The following GTSF1L variants were observed in gnomAD, a reference collection of about 807,000 sequenced individuals.
GTSF1L encodes the protein gametocyte specific factor 1 like.
GTSF1L carries 1 observed loss-of-function variant against 1.1 expected under a neutral mutation model. That is an observed-to-expected ratio of 0.90 (90% CI 0.32 to 4.28). The LOEUF is 4.28. Ranked by LOEUF, GTSF1L falls within the 30% of genes most tolerant of loss-of-function variation. GTSF1L has a pLI of 0.17. For synonymous variants in GTSF1L, 62 were observed against 69.3 expected, an observed-to-expected ratio of 0.89 and a Z score of 0.53; for missense variants, 169 against 181.9, an observed-to-expected ratio of 0.93 and a Z score of 0.41.
In GTSF1L at chr20:43,726,415, C is replaced by T; in HGVS notation, c.280G>A (p.Val94Ile). ...SSEQNDDTQQ[V>I]SPCLPSPDIW... The stretch of plus-strand genomic sequence containing the variant: ...TCGGGGCTGGGAAGGCAGGGTGAGA[C>T]CTGCTGGGTGTCATCGTTCTGCTCT... Residue 94 changes from valine to isoleucine, a missense_variant, in exon 1 of 1, where the codon GTC becomes ATC. Val to Ile is a conservative substitution (Grantham distance 29). Coordinates refer to ENST00000373003, the MANE Select transcript of GTSF1L (RefSeq NM_176791.4). 6.2e-7 allele frequency: 1 copy of T among 1,613,970 alleles called. No homozygotes were observed. The highest frequency in any genetic ancestry group is 8.5e-7 in the Non-Finnish European group (1 of 1,180,016).
At position 43,726,585 on chromosome 20, in the gene GTSF1L, G is replaced by A. The variant is rs2068184133; in HGVS notation, c.110C>T (p.Ala37Val). The change falls in exon 1 of 1, where the codon GCC (alanine) becomes GTC (valine). Residue 37 changes from alanine (A) to valine (V), a missense_variant. By Grantham distance (64) the Ala-to-Val change is moderately conservative (BLOSUM62 0). Coordinates refer to ENST00000373003, the MANE Select transcript of GTSF1L (RefSeq NM_176791.4). ...ASCRRKNPKKAKKMATCKYNA... is the reference protein window; with the variant it reads ...ASCRRKNPKKVKKMATCKYNA... ...GTATTTGCAGGTGGCCATCTTTTTG[G>A]CTTTCTTGGGGTTCTTTCTCCTGCA... 6.2e-7 allele frequency: 1 copy of A among 1,613,906 alleles called. No homozygotes were observed. The highest frequency in any genetic ancestry group is 1.3e-5 in the African/African-American group (1 of 74,854).
At position 43,726,899 on chromosome 20, in the gene GTSF1L, C is replaced by T. The variant is rs992895534; in HGVS notation, c.-205G>A. 1.9e-6 allele frequency: 1 copy of T among 521,068 alleles called. No individual in the cohort carries two copies. Among genetic ancestry groups the T allele is most frequent in the African/African-American group, 1.9e-5 (1 of 51,582 alleles). 32.3% of individuals were successfully genotyped at this position (521,068 alleles called of 1,614,324 possible). On this transcript the variant is annotated 5_prime_UTR_variant, in exon 1 of 1. Transcript: ENST00000373003. ...AGAGATGAGGAGCTGCCAAAAGCAG[C>T]TACACAGAGAACAGAGTTAGCAAAT... is the stretch of plus-strand genomic sequence containing the variant.
At position 43,726,190 on chromosome 20, in the gene GTSF1L, T is replaced by C. The variant is rs1341675867; in HGVS notation, c.*58A>G. 2 of 1,225,844 alleles carry C rather than the reference T, an allele frequency of 1.6e-6. No individual in the cohort carries two copies. The highest frequency in any genetic ancestry group is 2.3e-6 in the Non-Finnish European group (2 of 862,182). 75.9% of individuals were successfully genotyped at this position (1,225,844 alleles called of 1,614,324 possible). ...TTACTTTGCATGTCTTTTATTCTGA[T>C]GCATTGCACGTTCTTCCATGCATTG... On this transcript the variant is annotated 3_prime_UTR_variant, in exon 1 of 1. Transcript: ENST00000373003.
In GTSF1L at chr20:43,726,756, A is replaced by G. The variant is rs574024953; in HGVS notation, c.-62T>C. 1.1e-4 allele frequency: 146 copies of G among 1,287,514 alleles called. No homozygotes were observed. Among genetic ancestry groups the G allele is most frequent in the Admixed American group, 6.1e-4 (27 of 43,974 alleles). The allele number at this position is 1,287,514 out of a possible 1,614,324, so 79.8% of individuals were successfully genotyped here. On this transcript the variant is annotated 5_prime_UTR_variant, in exon 1 of 1. Coordinates refer to ENST00000373003, the MANE Select transcript of GTSF1L (RefSeq NM_176791.4). ...TCTAACGGAAATGCTTCTTGTGGAG[A>G]AGCCCTTTTGTAAGAAGGATGGAGT...
Position 43,726,438 on chromosome 20 carries a change from T to C in GTSF1L, c.257A>G (p.Glu86Gly). The change falls in exon 1 of 1, where the codon GAG (glutamate) becomes GGG (glycine). Residue 86 changes from glutamate (E) to glycine (G), a missense_variant. By Grantham distance (98) the Glu-to-Gly change is moderately conservative. Coordinates refer to ENST00000373003, the MANE Select transcript of GTSF1L (RefSeq NM_176791.4). ...NPLKVSPPSS[E>G]QNDDTQQVSP... ...GACCTGCTGGGTGTCATCGTTCTGC[T>C]CTGAACTAGGAGGACTGACTTTCAG... The C allele has an allele frequency of 6.2e-7, 1 of 1,613,948 alleles. No homozygotes were observed. The highest frequency in any genetic ancestry group is 1.3e-5 in the African/African-American group (1 of 74,964).
In GTSF1L at chr20:43,726,821, G is replaced by C. The variant is rs2068186611; in HGVS notation, c.-127C>G. On this transcript the variant is annotated 5_prime_UTR_variant, in exon 1 of 1. Transcript: ENST00000373003. ...TTTTGGCCCTTGGGATTCTGTAGGTGACGGTCTTAACTTGTGGTCTGTTCT... is the reference window on the plus strand; with the variant it reads ...TTTTGGCCCTTGGGATTCTGTAGGTCACGGTCTTAACTTGTGGTCTGTTCT... The C allele has an allele frequency of 2.9e-6, 2 of 685,996 alleles. No individual in the cohort carries two copies. The highest frequency in any genetic ancestry group is 5.0e-6 in the Non-Finnish European group (2 of 396,398). The allele number at this position is 685,996 out of a possible 1,614,324, so 42.5% of individuals were successfully genotyped here. A position where few individuals can be genotyped will look rare whatever the true frequency, so the allele number is the denominator to read the frequency against.
Position 43,726,821 on chromosome 20 carries a change from G to T in GTSF1L, c.-127C>A. 1.5e-6 allele frequency: 1 copy of T among 685,996 alleles called. No individual in the cohort carries two copies. The highest frequency in any genetic ancestry group is 2.5e-6 in the Non-Finnish European group (1 of 396,398). 42.5% of individuals were successfully genotyped at this position (685,996 alleles called of 1,614,324 possible). ...TTTTGGCCCTTGGGATTCTGTAGGTGACGGTCTTAACTTGTGGTCTGTTCT... is the reference window on the plus strand; with the variant it reads ...TTTTGGCCCTTGGGATTCTGTAGGTTACGGTCTTAACTTGTGGTCTGTTCT... On this transcript the variant is annotated 5_prime_UTR_variant, in exon 1 of 1. Transcript: ENST00000373003.
In GTSF1L at chr20:43,726,979, G is replaced by A. The variant is rs1031553716; in HGVS notation, c.-285C>T. 2.5e-5 allele frequency: 8 copies of A among 316,224 alleles called. No individual in the cohort carries two copies. The highest frequency in any genetic ancestry group is 6.5e-5 in the African/African-American group (3 of 45,868). 19.6% of individuals were successfully genotyped at this position (316,224 alleles called of 1,614,324 possible). ...AAGAGCCAAAAACCCACAGCCGCTT[G>A]ACTCACGGATATACTATGATGTCAA... is the stretch of plus-strand genomic sequence containing the variant. On this transcript the variant is annotated 5_prime_UTR_variant, in exon 1 of 1. Coordinates refer to ENST00000373003, the MANE Select transcript of GTSF1L (RefSeq NM_176791.4).
rs1340208941 is a variant in GTSF1L at position 43,726,321 on chromosome 20, AC to A, written c.373del (p.Val125LeufsTer47). The A allele has an allele frequency of 3.1e-6, 5 of 1,613,956 alleles. No individual in the cohort carries two copies. Among genetic ancestry groups the A allele is most frequent in the South Asian group, 1.1e-5 (1 of 91,074 alleles). On this transcript the variant is annotated frameshift_variant, in exon 1 of 1. Coordinates refer to ENST00000373003, the MANE Select transcript of GTSF1L (RefSeq NM_176791.4). LOFTEE classifies it high-confidence loss of function. ...CTCTTTCGTGTCATTTTCACAAACAACCTTTTGAGGAAAAAAAGTCTTAAGG... is the reference window on the plus strand; with the variant it reads ...CTCTTTCGTGTCATTTTCACAAACAACTTTTGAGGAAAAAAAGTCTTAAGG... ...FVLKTFFPQK[V>X]VCENDTKESA...
Position 43,726,523 on chromosome 20 carries a change from C to G in GTSF1L, c.172G>C (p.Glu58Gln). Residue 58 changes from glutamate to glutamine, a missense_variant, in exon 1 of 1, where the codon GAA becomes CAA. Physicochemically the swap from Glu to Gln is conservative, Grantham distance 29. Transcript: ENST00000373003. ...CHVVPIKNLE[E>Q]HEAVCVNRSA... ...CTGTTGACACAAACAGCCTCATGTT[C>G]CTCCAGATTTTTGATGGGGACCACG... 1 of 1,614,000 alleles carries G rather than the reference C, an allele frequency of 6.2e-7. No individual in the cohort carries two copies. Among genetic ancestry groups the G allele is most frequent in the East Asian group, 2.2e-5 (1 of 44,882 alleles).
Position 43,726,393 on chromosome 20 carries a change from G to C in GTSF1L, c.302C>G (p.Pro101Arg). 1 of 1,613,958 alleles carries C rather than the reference G, an allele frequency of 6.2e-7. No individual in the cohort carries two copies. Among genetic ancestry groups the C allele is most frequent in the Non-Finnish European group, 8.5e-7 (1 of 1,180,006 alleles). ...AGCGCCATCGACATTCCAGATATCG[G>C]GGCTGGGAAGGCAGGGTGAGACCTG... ...TQQVSPCLPS[P>R]DIWNVDGANC... The change falls in exon 1 of 1, where the codon CCC (proline) becomes CGC (arginine). Residue 101 changes from proline (P) to arginine (R), a missense_variant. Transcript: ENST00000373003.
chr20:43,726,611 C>T lies in GTSF1L; in HGVS notation c.84G>A (p.Ser28=), dbSNP rs187317274. 65 of 1,613,660 alleles carry T rather than the reference C, an allele frequency of 4.0e-5. No homozygotes were observed. Among genetic ancestry groups the T allele is most frequent in the East Asian group, 2.7e-4 (12 of 44,880 alleles). The change falls in exon 1 of 1, where the codon TCG becomes TCA. Residue 28 remains serine, a synonymous_variant. Transcript: ENST00000373003. ...PLSRFQYHLA[S]CRRKNPKKAK... is the part of the protein sequence containing the mutation. Reference sequence around the variant, plus strand: ...CTTTCTTGGGGTTCTTTCTCCTGCACGATGCCAGGTGGTACTGGAATCTGC... The same window carrying T: ...CTTTCTTGGGGTTCTTTCTCCTGCATGATGCCAGGTGGTACTGGAATCTGC...
Position 43,726,615 on chromosome 20 carries a change from G to A in GTSF1L, c.80C>T (p.Ala27Val). ...CTTGGGGTTCTTTCTCCTGCACGAT[G>A]CCAGGTGGTACTGGAATCTGCTGAG... is the stretch of plus-strand genomic sequence containing the variant. ...IPLSRFQYHLASCRRKNPKKA... is the reference protein window; with the variant it reads ...IPLSRFQYHLVSCRRKNPKKA... Residue 27 changes from alanine (A) to valine (V), a missense_variant, in exon 1 of 1, where the codon GCA becomes GTA. By Grantham distance (64) the Ala-to-Val change is moderately conservative. Transcript: ENST00000373003. 1.2e-6 allele frequency: 2 copies of A among 1,613,792 alleles called. No homozygotes were observed. Among genetic ancestry groups the A allele is most frequent in the Middle Eastern group, 1.7e-4 (1 of 6,056 alleles).
rs760023234 is a variant in GTSF1L at position 43,726,701 on chromosome 20, T to C, written c.-7A>G. On this transcript the variant is annotated 5_prime_UTR_variant, in exon 1 of 1. Transcript: ENST00000373003. ...CAAAGGCTTCTGGCTCCATGAGAAATTCTTGAAGCAGGGTATCTCACTGCT... is the reference window on the plus strand; with the variant it reads ...CAAAGGCTTCTGGCTCCATGAGAAACTCTTGAAGCAGGGTATCTCACTGCT... 1 of 1,547,408 alleles carries C rather than the reference T, an allele frequency of 6.5e-7. No individual in the cohort carries two copies.
Position 43,726,885 on chromosome 20 carries a change from GCTGC to G in GTSF1L, c.-195_-192del. ...TGGTGGATTAGAAGAGAGATGAGGAGCTGCCAAAAGCAGCTACACAGAGAACAGA... is the reference window on the plus strand; with the variant it reads ...TGGTGGATTAGAAGAGAGATGAGGAGCAAAAGCAGCTACACAGAGAACAGA... On this transcript the variant is annotated 5_prime_UTR_variant, in exon 1 of 1. Coordinates refer to ENST00000373003, the MANE Select transcript of GTSF1L (RefSeq NM_176791.4). 1.9e-6 allele frequency: 1 copy of G among 538,948 alleles called. No individual in the cohort carries two copies. The allele number at this position is 538,948 out of a possible 1,614,324, so 33.4% of individuals were successfully genotyped here.
Position 43,726,478 on chromosome 20 carries a change from CCTCTT to C in GTSF1L, c.212_216del (p.Glu71GlyfsTer12). 1 of 1,614,020 alleles carries C rather than the reference CCTCTT, an allele frequency of 6.2e-7. No homozygotes were observed. The highest frequency in any genetic ancestry group is 8.5e-7 in the Non-Finnish European group (1 of 1,180,002). ...CTGACTTTCAGAGGGTTCTCGGTGT[CCTCTT>C]CTTCCACAGCGCTCCTGTTGACACA... On this transcript the variant is annotated frameshift_variant, in exon 1 of 1. Transcript: ENST00000373003. LOFTEE classifies it low-confidence loss of function (END_TRUNC).
At position 43,726,761 on chromosome 20, in the gene GTSF1L, C is replaced by T; in HGVS notation, c.-67G>A. The T allele has an allele frequency of 3.3e-6, 4 of 1,220,320 alleles. No homozygotes were observed. The highest frequency in any genetic ancestry group is 4.6e-6 in the Non-Finnish European group (4 of 864,278). The allele number at this position is 1,220,320 out of a possible 1,614,324, so 75.6% of individuals were successfully genotyped here. A position where few individuals can be genotyped will look rare whatever the true frequency, so the allele number is the denominator to read the frequency against. On this transcript the variant is annotated 5_prime_UTR_variant, in exon 1 of 1. Coordinates refer to ENST00000373003, the MANE Select transcript of GTSF1L (RefSeq NM_176791.4). ...CGGAAATGCTTCTTGTGGAGAAGCCCTTTTGTAAGAAGGATGGAGTTGTCC... is the reference window on the plus strand; with the variant it reads ...CGGAAATGCTTCTTGTGGAGAAGCCTTTTTGTAAGAAGGATGGAGTTGTCC...
Position 43,726,259 on chromosome 20 carries a change from G to A in GTSF1L, c.436C>T (p.Pro146Ser), listed in dbSNP as rs544937376. 2.4e-5 allele frequency: 39 copies of A among 1,610,752 alleles called. No individual in the cohort carries two copies. Among genetic ancestry groups the A allele is most frequent in the South Asian group, 2.0e-4 (18 of 90,766 alleles). The change falls in exon 1 of 1, where the codon CCA (proline) becomes TCA (serine). Residue 146 changes from proline to serine, a missense_variant. Coordinates refer to ENST00000373003, the MANE Select transcript of GTSF1L (RefSeq NM_176791.4). ...RETSPQKILR[P>S]GQ ...CCTCAGCTGGCAGTTTACTGTCCTG[G>A]TCTGAGGATCTTCTGGGGACTGGTC... is the stretch of plus-strand genomic sequence containing the variant.
chr20:43,726,441 G>C lies in GTSF1L; in HGVS notation c.254C>G (p.Ser85Ter), dbSNP rs779105022. The change falls in exon 1 of 1, where the codon TCA becomes TGA. Residue 85 changes from serine to a stop codon, truncating the protein, a stop_gained. Coordinates refer to ENST00000373003, the MANE Select transcript of GTSF1L (RefSeq NM_176791.4). LOFTEE classifies it low-confidence loss of function (END_TRUNC). ...ENPLKVSPPS[S>*]EQNDDTQQVS... ...CTGCTGGGTGTCATCGTTCTGCTCT[G>C]AACTAGGAGGACTGACTTTCAGAGG... 2 of 1,614,058 alleles carry C rather than the reference G, an allele frequency of 1.2e-6. No homozygotes were observed. Among genetic ancestry groups the C allele is most frequent in the Non-Finnish European group, 1.7e-6 (2 of 1,180,020 alleles).
Sources: allele counts gnomAD v4.1 joint callset, GRCh38; gene constraint gnomAD v4.1.1; transcripts MANE v1.5; gene names NCBI Gene and HGNC (gene_info 2026-07-23, HGNC 2026-07-21).